ZNF318: variants seen among roughly 807,000 people sequenced by gnomAD.
The protein encoded by ZNF318 is zinc finger protein 318.
A neutral mutation model predicts 124.2 loss-of-function variants in ZNF318; 51 were observed. The ratio of observed to expected loss-of-function variants is 0.41; its 90% confidence interval spans 0.33 to 0.52. The LOEUF is 0.52. Ranked by LOEUF, ZNF318 falls within the 20% of genes least tolerant of loss-of-function variation. The pLI, the probability that ZNF318 is intolerant of heterozygous loss-of-function variation, is 0.23. For synonymous variants in ZNF318, 1,090 were observed against 1,040.7 expected, an observed-to-expected ratio of 1.05 and a Z score of -0.91; for missense variants, 2,815 against 2,811.2, an observed-to-expected ratio of 1.00 and a Z score of -0.03.
At position 43,363,955 on chromosome 6, in the gene ZNF318, C is replaced by G; in HGVS notation, c.548+1337G>C. The G allele has an allele frequency of 1.2e-5, 8 of 678,102 alleles. No homozygotes were observed. The South Asian group carries it at 1.3e-4, about 11-fold the overall frequency. The allele number at this position is 678,102 out of a possible 1,614,324, so 42.0% of individuals were successfully genotyped here. On this transcript the variant is annotated intron_variant, in intron 2 of 9. Coordinates refer to ENST00000361428, the MANE Select transcript of ZNF318 (RefSeq NM_014345.3). ...CAAGATCCACAAGCCCCACACCGTT[C>G]CTTGCAAGGTGACAGGCTACTGCGG...
chr6:43,356,096 T>C lies in ZNF318; in HGVS notation c.1238A>G (p.Tyr413Cys), dbSNP rs771607198. 4.3e-6 allele frequency: 7 copies of C among 1,613,662 alleles called. No homozygotes were observed. In the African/African-American group the frequency reaches 5.3e-5, roughly 12 times the overall value. The change falls in exon 4 of 10, where the codon TAC (tyrosine) becomes TGC (cysteine). Residue 413 changes from tyrosine (Y) to cysteine (C), a missense_variant. Tyr to Cys is a radical substitution (Grantham distance 194). This residue lies in a region of ZNF318 where 1,377 missense variants were observed against 1,353.5 expected (regional missense o/e 1.02). Transcript: ENST00000361428. Reference protein sequence around the residue: ...STSSSQDHPLYSGHPSLPLSG... With the variant: ...STSSSQDHPLCSGHPSLPLSG... ...TAGTGGAAGGGATGGGTGCCCAGAG[T>C]AGAGAGGGTGATCCTGGCTGGAGCT...
intron 1 of ZNF318, among the ~76,000 whole-genome samples, chr6:43,366,210 CAAAGA>C (rs1779759268): frequency 6.7e-6 from 1 of 149,852 alleles, no homozygotes. Context: ...ATGTTTCAGG[CAAAGA>C]AAAGAACCAC....
chr6:43,354,847 A>C lies in ZNF318; in HGVS notation c.2487T>G (p.Thr829=), dbSNP rs751275850. The C allele has an allele frequency of 1.2e-6, 2 of 1,614,126 alleles. No individual in the cohort carries two copies. The highest frequency in any genetic ancestry group is 2.2e-5 in the South Asian group (2 of 91,084). The change falls in exon 4 of 10, where the codon ACT becomes ACG. Residue 829 remains threonine, a synonymous_variant. Coordinates refer to ENST00000361428, the MANE Select transcript of ZNF318 (RefSeq NM_014345.3). ...TCACACGAAGATTGGGACGGCTACG[A>C]GTAGCTTGTTTGGTTATTGGCATTA... ...HRIMPITKQA[T]RSRPNLRVIP...
In ZNF318 at chr6:43,352,552, C is replaced by A. The variant is rs1202241925; in HGVS notation, c.2671-76G>T. 4 of 1,321,178 alleles carry A rather than the reference C, an allele frequency of 3.0e-6. No individual in the cohort carries two copies. In the African/African-American group the frequency reaches 5.8e-5, roughly 19 times the overall value. 81.8% of individuals were successfully genotyped at this position (1,321,178 alleles called of 1,614,324 possible). A position where few individuals can be genotyped will look rare whatever the true frequency, so the allele number is the denominator to read the frequency against. ...TCTATTTCTCTCTTCCAGAAGCCTT[C>A]TTCCTAGACATTATCTGAATGTAAG... is the stretch of plus-strand genomic sequence containing the variant. On this transcript the variant is annotated intron_variant, in intron 4 of 9. Coordinates refer to ENST00000361428, the MANE Select transcript of ZNF318 (RefSeq NM_014345.3).
Position 43,340,470 on chromosome 6 carries a change from C to G in ZNF318, c.3528G>C (p.Glu1176Asp), listed in dbSNP as rs779871031. The G allele has an allele frequency of 6.8e-6, 11 of 1,609,864 alleles. No homozygotes were observed. Among genetic ancestry groups the G allele is most frequent in the African/African-American group, 2.7e-5 (2 of 74,512 alleles). Residue 1176 changes from glutamate (E) to aspartate (D), a missense_variant, in exon 10 of 10, where the codon GAG becomes GAC. By Grantham distance (45) the Glu-to-Asp change is conservative. Transcript: ENST00000361428. ...KYVDENPLYE[E>D]RRNLDRQAGL... ...CAGCTTGGCGGTCCAGATTCCGCCG[C>G]TCCTCATATAATGGGTTTTCATCCA...
rs749592810 is a variant in ZNF318, at chr6:43,357,674, T to A, written c.640A>T (p.Ser214Cys). 2 of 1,613,572 alleles carry A rather than the reference T, an allele frequency of 1.2e-6. No homozygotes were observed. The highest frequency in any genetic ancestry group is 4.5e-5 in the East Asian group (2 of 44,894). ...RYISQEEGPL[S>C]PFLGQLDEDY... ...TCATCAAGTTGTCCCAAGAAGGGACTGAGAGGCCCTTCCTCCTGGGAAATA... is the reference window on the plus strand; with the variant it reads ...TCATCAAGTTGTCCCAAGAAGGGACAGAGAGGCCCTTCCTCCTGGGAAATA... Residue 214 changes from serine (S) to cysteine (C), a missense_variant, in exon 3 of 10, where the codon AGT (serine) becomes TGT (cysteine). Around this residue, in one of 4 missense-constraint regions of ZNF318, gnomAD observed 1,377 missense variants for 1,353.5 expected, o/e 1.02. Transcript: ENST00000361428.
rs763975041 is a variant in ZNF318 at position 43,339,787 on chromosome 6, T to C, written c.4211A>G (p.Asp1404Gly). Residue 1404 changes from aspartate (D) to glycine (G), a missense_variant, in exon 10 of 10, where the codon GAC becomes GGC. By Grantham distance (94) the Asp-to-Gly change is moderately conservative. Around this residue, in one of 4 missense-constraint regions of ZNF318, gnomAD observed 500 missense variants for 605.2 expected, o/e 0.83. Transcript: ENST00000361428. The surrounding 1 kb of genome is among the most constrained non-coding windows in gnomAD (Gnocchi z 4.2). ...ESSADLLLPP[D>G]IISKAFGGEE... ...CCCTCCAAATGCTTTGGAGATGATG[T>C]CTGGAGGTAAGAGGAGATCAGCTGA... 6.2e-7 allele frequency: 1 copy of C among 1,614,144 alleles called. No homozygotes were observed. Among genetic ancestry groups the C allele is most frequent in the East Asian group, 2.2e-5 (1 of 44,876 alleles).
In ZNF318 at chr6:43,357,277, C is replaced by T; in HGVS notation, c.1037G>A (p.Gly346Asp). Residue 346 changes from glycine (G) to aspartate (D), a missense_variant, in exon 3 of 10, where the codon GGT becomes GAT. This residue lies in a region of ZNF318 where 1,377 missense variants were observed against 1,353.5 expected (regional missense o/e 1.02). Coordinates refer to ENST00000361428, the MANE Select transcript of ZNF318 (RefSeq NM_014345.3). ...SQELVGVDGG[G>D]TGCSIPGLSG... ...CAATCCAGGGATGGAACAGCCAGTACCACCACCATCAACTCCAACCAGCTC... is the reference window on the plus strand; with the variant it reads ...CAATCCAGGGATGGAACAGCCAGTATCACCACCATCAACTCCAACCAGCTC... The T allele has an allele frequency of 6.2e-7, 1 of 1,614,198 alleles. No individual in the cohort carries two copies. Among genetic ancestry groups the T allele is most frequent in the Middle Eastern group, 1.6e-4 (1 of 6,062 alleles).
At chr6:43,368,890 C>T in intron 1 of ZNF318, 77 bp downstream of exon 1, 1 of 1,268,712 alleles carries the variant, frequency 7.9e-7, no homozygotes, top group African/African-American at 1.5e-5. Flanking sequence ...CTGGAGGCCC[C>T]GGGCGTTTCT....
intron 5 of ZNF318, among the ~76,000 whole-genome samples, chr6:43,350,426 T>C (rs1291641514): frequency 6.6e-6 from 1 of 152,112 alleles, no homozygotes; most frequent in Non-Finnish European, 1.5e-5. Flanking sequence ...AATCCATGAA[T>C]TCATACTCAT....
rs187578188 is a variant in ZNF318, at chr6:43,336,557, G to A, written c.*601C>T. 1.3e-5 allele frequency: 2 copies of A among 152,334 alleles called. No individual in the cohort carries two copies. Among genetic ancestry groups the A allele is most frequent in the Admixed American group, 1.3e-4 (2 of 15,290 alleles). The allele number at this position is 152,334 out of a possible 1,614,324, so 9.4% of individuals were successfully genotyped here. ...AGGCAACAGAGTAAGGGAAGTACAG[G>A]AGTTGACATGCCAATAAGGGGTGTA... On this transcript the variant is annotated 3_prime_UTR_variant, in exon 10 of 10. Coordinates refer to ENST00000361428, the MANE Select transcript of ZNF318 (RefSeq NM_014345.3).
chr6:43,344,918 G>A (rs766147915), intron 6 of ZNF318, among the ~76,000 whole-genome samples: 1 of 151,742 alleles, frequency 6.6e-6, no homozygotes, highest in Non-Finnish European at 1.5e-5. Flanking sequence ...CATACACCAA[G>A]GTATTAATAA....
intron 6 of ZNF318, among the ~76,000 whole-genome samples, chr6:43,347,151 ATT>A (rs1340591072): frequency 6.6e-6 from 1 of 152,212 alleles, no homozygotes. Flanking sequence ...AAAGAGTTCG[ATT>A]TGCATGGTAA....
intron 6 of ZNF318, among the ~76,000 whole-genome samples, chr6:43,345,245 C>CAAAA (rs35628286): frequency 1.6e-5 from 2 of 122,010 alleles, no homozygotes; most frequent in Non-Finnish European, 1.7e-5. Context: ...GACCCTGTCT[C>CAAAA]AAAAAAAAAA....
chr6:43,363,036 A>G (rs549012273), intron 2 of ZNF318, among the ~76,000 whole-genome samples: 2 of 152,334 alleles, frequency 1.3e-5, no homozygotes, highest in East Asian at 3.9e-4. Flanking sequence ...CACTTTCTCT[A>G]AAGTAGACCT....
At chr6:43,365,682 G>A (rs1192541855) in intron 1 of ZNF318, among the ~76,000 whole-genome samples, 4 of 152,094 alleles carry the variant, frequency 2.6e-5, no homozygotes, top group African/African-American at 4.8e-5. Context: ...TACTCAGGTG[G>A]CTGAGGTGGG....
Position 43,355,366 on chromosome 6 carries a change from G to A in ZNF318, c.1968C>T (p.Arg656=), listed in dbSNP as rs1294139128. Residue 656 remains arginine, a synonymous_variant, in exon 4 of 10, where the codon CGC becomes CGT. Transcript: ENST00000361428. ...AGAAGCAGTGGTCAACTGAGGAACA[G>A]CGGTCAGCTGAGAAGCGGTGGTCAA... ...SSVDHRFSAD[R]CSSVDHCFSA... is the part of the protein sequence containing the mutation. The A allele has an allele frequency of 1.9e-6, 3 of 1,614,170 alleles. No homozygotes were observed. The highest frequency in any genetic ancestry group is 1.3e-5 in the African/African-American group (1 of 75,036).
At chr6:43,340,996 T>A in intron 8 of ZNF318, 88 bp from the exon 9 acceptor site, 2 of 976,214 alleles carry the variant, frequency 2.0e-6, no homozygotes, top group Non-Finnish European at 3.3e-6. Context: ...CCCTTTGCAG[T>A]AAAATGGTTA....
At position 43,348,379 on chromosome 6, in the gene ZNF318, T is replaced by C. The variant is rs371164747; in HGVS notation, c.3017A>G (p.Glu1006Gly). ...CACTTTTTCTGGGCTCTTAGATTTT[T>C]CTGCTTTCCCAGGCTTCTCTGTAGG... ...REPTEKPGKAEKSKSPEKVSS... is the reference protein window; with the variant it reads ...REPTEKPGKAGKSKSPEKVSS... Residue 1006 changes from glutamate to glycine, a missense_variant, in exon 6 of 10, where the codon GAA becomes GGA. By Grantham distance (98) the Glu-to-Gly change is moderately conservative. This residue lies in a region of ZNF318 where 1,377 missense variants were observed against 1,353.5 expected (regional missense o/e 1.02). Coordinates refer to ENST00000361428, the MANE Select transcript of ZNF318 (RefSeq NM_014345.3). 10 of 1,613,322 alleles carry C rather than the reference T, an allele frequency of 6.2e-6. No homozygotes were observed. In the African/African-American group the frequency reaches 1.2e-4, roughly 19 times the overall value.
Sources: gnomAD v4.1 joint callset for allele counts (sites outside exome capture counted in the v4.1 genomes callset) on GRCh38, gnomAD v4.1.1 for gene constraint, gnomAD v4.1.1 regional missense constraint, Gnocchi (gnomAD v3.1) non-coding constraint, MANE v1.5 for transcripts, NCBI Gene and HGNC (gene_info 2026-07-23, HGNC 2026-07-21) for gene names.